Variants in IARS2 observed in about 807,000 individuals in gnomAD.
IARS2 encodes isoleucine--tRNA ligase, mitochondrial.
A neutral mutation model predicts 126.3 loss-of-function variants in IARS2; 56 were observed. The ratio of observed to expected loss-of-function variants is 0.44; its 90% CI spans 0.36 to 0.55. IARS2 has a LOEUF of 0.55. Ranked by LOEUF, IARS2 falls within the 20% of genes least tolerant of loss-of-function variation. IARS2 has a pLI of 0.00. For missense variants in IARS2, 1,127 were observed against 1,245.9 expected (o/e 0.90, Z 1.44); for synonymous variants, 407 against 441.1 (o/e 0.92, Z 0.97).
intron 10 of IARS2, 67 bp from the exon 11 acceptor site, chr1:220,110,719 T>A: frequency 8.0e-7 from 1 of 1,256,872 alleles, no homozygotes; most frequent in African/African-American, 1.5e-5. Flanking sequence ...TCTGGAAGTT[T>A]AGAGCATTTT....
At chr1:220,127,385 TG>T (rs1657175497) in intron 14 of IARS2, among the ~76,000 whole-genome samples, 1 of 152,226 alleles carries the variant, frequency 6.6e-6, no homozygotes, top group South Asian at 2.1e-4. Flanking sequence ...AATTAGCGAA[TG>T]TTTTTGACTG....
intron 3 of IARS2, 99 bp downstream of exon 3, chr1:220,100,748 G>A (rs551653585): frequency 3.5e-5 from 31 of 884,548 alleles, no homozygotes; most frequent in South Asian, 2.7e-4. Flanking sequence ...TTTGGGTTTC[G>A]TTTGCTTATA....
At chr1:220,109,934 C>A (rs1211199061) in intron 10 of IARS2, among the ~76,000 whole-genome samples, 1 of 152,120 alleles carries the variant, frequency 6.6e-6, no homozygotes, top group Non-Finnish European at 1.5e-5. Flanking sequence ...TTTTCTTTGA[C>A]GTGAAAAGAG....
At chr1:220,095,137 C>T (rs1237224229) in intron 1 of IARS2, among the ~76,000 whole-genome samples, 1 of 152,202 alleles carries the variant, frequency 6.6e-6, no homozygotes, top group Non-Finnish European at 1.5e-5. Context: ...CTCCCAGGCT[C>T]AGGCAATTCT....
chr1:220,114,603 G>A, intron 12 of IARS2, 129 bp downstream of exon 12: 2 of 652,872 alleles, frequency 3.1e-6, no homozygotes, highest in Non-Finnish European at 5.1e-6. Context: ...TAGTCTTTTG[G>A]GGGACTAAAA....
chr1:220,111,802 A>G (rs1656809554), intron 11 of IARS2, among the ~76,000 whole-genome samples: 1 of 151,976 alleles, frequency 6.6e-6, no homozygotes, highest in African/African-American at 2.4e-5. Context: ...AGCAGTTTAT[A>G]CTTTCTATAC....
chr1:220,113,577 A>AG (rs1372184545), intron 11 of IARS2, among the ~76,000 whole-genome samples: 1 of 152,128 alleles, frequency 6.6e-6, no homozygotes, highest in East Asian at 1.9e-4. Context: ...TTGGGAATGG[A>AG]GGAAGGGAGC....
At position 220,102,290 on chromosome 1, in the gene IARS2, TTTTTCTC is replaced by T; in HGVS notation, c.699+17_699+23del. 6.2e-7 allele frequency: 1 copy of T among 1,603,980 alleles called. No individual in the cohort carries two copies. The highest frequency in any genetic ancestry group is 8.5e-7 in the Non-Finnish European group (1 of 1,177,508). On this transcript the variant is annotated intron_variant, in intron 4 of 22. Coordinates refer to ENST00000366922, the MANE Select transcript of IARS2 (RefSeq NM_018060.4). ...AATGTATGATAAGGTAAAGAAGTAT[TTTTTCTC>T]TTTGAGTAGGTTTTAGTATGCGTTA... is the stretch of plus-strand genomic sequence containing the variant.
intron 7 of IARS2, 23 bp downstream of exon 7, chr1:220,102,800 T>C (rs373895742): frequency 7.6e-7 from 1 of 1,311,700 alleles, no homozygotes; most frequent in Non-Finnish European, 1.1e-6. Flanking sequence ...TTGCATTTTT[T>C]GTTTTATACA....
intron 13 of IARS2, 23 bp from the exon 14 acceptor site, chr1:220,126,727 A>G: frequency 6.4e-7 from 1 of 1,562,304 alleles, no homozygotes; most frequent in Non-Finnish European, 8.8e-7. Flanking sequence ...TGTACCTGAC[A>G]TGCTTTTGCA....
At chr1:220,128,472 T>C (rs1325814515) in intron 14 of IARS2, among the ~76,000 whole-genome samples, 1 of 152,158 alleles carries the variant, frequency 6.6e-6, no homozygotes, top group Non-Finnish European at 1.5e-5. Flanking sequence ...TAGAGTAGGC[T>C]CTCCCATTGA....
At chr1:220,122,046 A>G (rs1048040734) in intron 12 of IARS2, among the ~76,000 whole-genome samples, 17 of 152,204 alleles carry the variant, frequency 1.1e-4, no homozygotes, top group African/African-American at 3.6e-4. Flanking sequence ...AGCTATGATC[A>G]TGCCACTGCA....
rs1443106872 is a variant in IARS2 at position 220,114,364 on chromosome 1, G to A, written c.1530G>A (p.Met510Ile). The A allele has an allele frequency of 2.5e-6, 4 of 1,613,854 alleles. No individual in the cohort carries two copies. The highest frequency in any genetic ancestry group is 1.3e-5 in the African/African-American group (1 of 74,922). ...TTCCTGGATCAGCACTGAATGGCAT[G>A]GTTGAAATGATGGACAGGCGGCCAT... is the stretch of plus-strand genomic sequence containing the variant. The part of the protein sequence containing the change: ...KFIPGSALNG[M>I]VEMMDRRPYW... Residue 510 changes from methionine (M) to isoleucine (I), a missense_variant, in exon 12 of 23, where the codon ATG becomes ATA. By Grantham distance (10) the Met-to-Ile change is conservative (BLOSUM62 1). Transcript: ENST00000366922.
chr1:220,128,493 A>G (rs1354502830), intron 14 of IARS2, among the ~76,000 whole-genome samples: 2 of 152,196 alleles, frequency 1.3e-5, no homozygotes, highest in African/African-American at 4.8e-5. Context: ...GGTTTGTGTA[A>G]GTACACTCTA....
At chr1:220,123,613 A>G (rs1020424765) in intron 12 of IARS2, among the ~76,000 whole-genome samples, 5 of 152,202 alleles carry the variant, frequency 3.3e-5, no homozygotes, top group Non-Finnish European at 7.4e-5. Context: ...AGCTGGGACT[A>G]CAGGCGCCCG....
chr1:220,118,395 A>G (rs1035861953), intron 12 of IARS2, among the ~76,000 whole-genome samples: 9 of 150,444 alleles, frequency 6.0e-5, no homozygotes, highest in African/African-American at 2.2e-4. Context: ...TTTGATTTGA[A>G]TTAATAGTGT....
rs761600027 is a variant in IARS2, at chr1:220,096,131, TG to T, written c.297del (p.Trp99CysfsTer7). 1 of 1,508,194 alleles carries T rather than the reference TG, an allele frequency of 6.6e-7. No individual in the cohort carries two copies. The highest frequency in any genetic ancestry group is 9.2e-7 in the Non-Finnish European group (1 of 1,091,042). 93.4% of individuals were successfully genotyped at this position (1,508,194 alleles called of 1,614,324 possible). On this transcript the variant is annotated frameshift_variant, in exon 2 of 23. Transcript: ENST00000366922. LOFTEE classifies it high-confidence loss of function. ...ATGTGGATTTTCAGAACTTTATTCATGGCAAAGAGAAAGAAAAGTAAAGACA... is the reference window on the plus strand; with the variant it reads ...ATGTGGATTTTCAGAACTTTATTCATGCAAAGAGAAAGAAAAGTAAAGACA... ...QKCGFSELYS[W>X]QRERKVKTEF... is the part of the protein sequence containing the mutation.
At chr1:220,129,471 C>T (rs1169511887) in intron 14 of IARS2, among the ~76,000 whole-genome samples, 1 of 152,098 alleles carries the variant, frequency 6.6e-6, no homozygotes, top group African/African-American at 2.4e-5. Context: ...TATGTAACTC[C>T]TTTTCTATCC....
intron 8 of IARS2, among the ~76,000 whole-genome samples, chr1:220,105,185 C>T (rs1180921131): frequency 6.6e-6 from 1 of 152,178 alleles, no homozygotes; most frequent in Non-Finnish European, 1.5e-5. Context: ...AGCAATCTTC[C>T]TGCCACAGCC....
Sources: allele counts gnomAD v4.1 joint callset (sites outside exome capture counted in the v4.1 genomes callset), GRCh38; gene constraint gnomAD v4.1.1; transcripts MANE v1.5; gene names NCBI Gene and HGNC (gene_info 2026-07-23, HGNC 2026-07-21).